Variants in SCFD2 observed in about 807,000 individuals in gnomAD.
The protein encoded by SCFD2 is sec1 family domain containing 2, also known as sec1 family domain-containing protein 2.
A neutral mutation model predicts 58.9 loss-of-function variants in SCFD2; 54 were observed. That is an observed-to-expected ratio of 0.92 (90% confidence interval 0.74 to 1.15). SCFD2 has a LOEUF of 1.15. Ranked by LOEUF, SCFD2 falls within the 50% of genes most tolerant of loss-of-function variation. The pLI is 0.00. For missense variants in SCFD2, 805 were observed against 836.6 expected (o/e 0.96, Z 0.47); for synonymous variants, 321 against 335.9 (o/e 0.96, Z 0.49).
chr4:53,311,767 G>A (rs1352131787), intron 3 of SCFD2, among the ~76,000 whole-genome samples: 1 of 151,702 alleles, frequency 6.6e-6, no homozygotes, highest in African/African-American at 2.4e-5. Context: ...TCCTGAGTAG[G>A]TGGGACTACA....
intron 4 of SCFD2, among the ~76,000 whole-genome samples, chr4:53,213,925 G>A (rs530587736): frequency 8.6e-5 from 13 of 151,918 alleles, no homozygotes; most frequent in African/African-American, 2.7e-4. Context: ...TTGTCCTTGC[G>A]ATAGTTTGCT....
chr4:52,956,004 A>G, intron 5 of SCFD2: 1 of 455,672 alleles, frequency 2.2e-6, no homozygotes, highest in Non-Finnish European at 4.4e-6. Flanking sequence ...CAGCAACACC[A>G]TGGAGGCTTC....
intron 4 of SCFD2, 69 bp downstream of exon 4, chr4:53,273,757 G>T: frequency 7.5e-7 from 1 of 1,339,428 alleles, no homozygotes. Context: ...TATAATAAAT[G>T]TCAAGGTTTT....
chr4:53,165,711 AAACAC>A (rs1189532558), intron 4 of SCFD2, among the ~76,000 whole-genome samples: 3 of 152,172 alleles, frequency 2.0e-5, no homozygotes, highest in Non-Finnish European at 4.4e-5. Flanking sequence ...GATTTCACTA[AAACAC>A]TCACGGAGAC....
intron 2 of SCFD2, among the ~76,000 whole-genome samples, chr4:53,329,639 T>TG (rs1733357001): frequency 6.6e-6 from 1 of 151,856 alleles, no homozygotes; most frequent in Non-Finnish European, 1.5e-5. Context: ...ACCACAAAGA[T>TG]TGGAAAAAAA....
chr4:53,028,143 A>G (rs926722228), intron 5 of SCFD2, among the ~76,000 whole-genome samples: 22 of 152,176 alleles, frequency 1.4e-4, no homozygotes, highest in African/African-American at 4.8e-4. Context: ...GCTACTTAGG[A>G]GGCTGAGGCA....
At chr4:53,026,973 G>A (rs1722490221) in intron 5 of SCFD2, among the ~76,000 whole-genome samples, 1 of 152,132 alleles carries the variant, frequency 6.6e-6, no homozygotes, top group Non-Finnish European at 1.5e-5. Flanking sequence ...TTACTGTTTT[G>A]AAACAGCAAT....
At chr4:53,252,118 T>G (rs1192189095) in intron 4 of SCFD2, among the ~76,000 whole-genome samples, 1 of 147,236 alleles carries the variant, frequency 6.8e-6, no homozygotes, top group East Asian at 2.0e-4. Flanking sequence ...AAATCATGAG[T>G]GAACTCCCAT....
chr4:53,299,155 G>C (rs1732167278), intron 3 of SCFD2, among the ~76,000 whole-genome samples: 1 of 152,128 alleles, frequency 6.6e-6, no homozygotes. Flanking sequence ...CTGAGCTAAA[G>C]GACGAAGTTC....
intron 5 of SCFD2, among the ~76,000 whole-genome samples, chr4:53,127,132 A>G (rs1329495646): frequency 6.6e-6 from 1 of 152,228 alleles, no homozygotes; most frequent in African/African-American, 2.4e-5. Context: ...ATTTCCACTA[A>G]CAGCTGATGT....
intron 5 of SCFD2, among the ~76,000 whole-genome samples, chr4:53,133,256 A>G (rs2148901448): frequency 7.2e-6 from 1 of 139,680 alleles, no homozygotes; most frequent in East Asian, 2.3e-4. Flanking sequence ...TGAACCCGGG[A>G]GGCGGAGCTT....
At chr4:53,232,388 T>A (rs1729466802) in intron 4 of SCFD2, among the ~76,000 whole-genome samples, 3 of 152,132 alleles carry the variant, frequency 2.0e-5, no homozygotes, top group Non-Finnish European at 4.4e-5. Context: ...TAACACATAT[T>A]TTTCCCCTGG....
intron 5 of SCFD2, among the ~76,000 whole-genome samples, chr4:52,961,098 A>T (rs1720843311): frequency 6.6e-6 from 1 of 152,130 alleles, no homozygotes; most frequent in Non-Finnish European, 1.5e-5. Context: ...ATTCTGGCAT[A>T]TTGATTTTCT....
chr4:53,205,423 A>G (rs189702267), intron 4 of SCFD2, among the ~76,000 whole-genome samples: 1 of 152,270 alleles, frequency 6.6e-6, no homozygotes, highest in East Asian at 1.9e-4. Flanking sequence ...AATGACAGCA[A>G]AGAAAGATGA....
intron 5 of SCFD2, among the ~76,000 whole-genome samples, chr4:52,992,708 G>A (rs551300165): frequency 0.01 from 1,561 of 152,112 alleles, 15 homozygotes; most frequent in Admixed American, 0.016. Flanking sequence ...GAGCGTCTCC[G>A]CCCGGCCGCC....
At chr4:53,308,176 T>G (rs1049474118) in intron 3 of SCFD2, among the ~76,000 whole-genome samples, 6 of 152,222 alleles carry the variant, frequency 3.9e-5, no homozygotes, top group African/African-American at 1.4e-4. Context: ...ATTTATACTA[T>G]TGGGAGCATT....
chr4:53,278,066 A>AC (rs1350542057), intron 3 of SCFD2, among the ~76,000 whole-genome samples: 6 of 143,984 alleles, frequency 4.2e-5, no homozygotes, highest in African/African-American at 1.6e-4. Context: ...CAAAAAACAA[A>AC]AAAAAAAAAA....
chr4:52,899,459 A>T (rs1456677658), intron 7 of SCFD2, among the ~76,000 whole-genome samples: 1 of 152,150 alleles, frequency 6.6e-6, no homozygotes, highest in Non-Finnish European at 1.5e-5. Flanking sequence ...CTTTTCTTTA[A>T]GAATGTTGAA....
chr4:52,970,380 T>C (rs182233760), intron 5 of SCFD2, among the ~76,000 whole-genome samples: 1 of 152,384 alleles, frequency 6.6e-6, no homozygotes, highest in Admixed American at 6.5e-5. Flanking sequence ...ATCCTGTGCA[T>C]GGCTCAGAGG....
Sources: gnomAD v4.1 joint callset for allele counts (sites outside exome capture counted in the v4.1 genomes callset) on GRCh38, gnomAD v4.1.1 for gene constraint, MANE v1.5 for transcripts, NCBI Gene and HGNC (gene_info 2026-07-23, HGNC 2026-07-21) for gene names.